TSPAN19: variants seen among roughly 807,000 people sequenced by gnomAD.
TSPAN19 encodes the protein tetraspanin 19.
Under a neutral mutation model 35.1 loss-of-function variants are expected in TSPAN19, and 44 were observed. That is an observed-to-expected ratio of 1.25 (90% CI 0.98 to 1.61). The LOEUF is 1.61. TSPAN19 is among the 40% of genes most tolerant of loss of function. The probability of loss-of-function intolerance (pLI) is 0.00; values close to 1 mark genes in which losing one functional copy is unlikely to be tolerated. For synonymous variants in TSPAN19, 79 were observed against 92.0 expected (o/e 0.86, Z 0.81); for missense variants, 290 against 280.0 (o/e 1.04, Z -0.26).
intron 7 of TSPAN19, 64 bp from the exon 8 acceptor site, chr12:85,016,035 C>G: frequency 9.5e-7 from 1 of 1,050,278 alleles, no homozygotes; most frequent in Non-Finnish European, 1.3e-6. Context: ...TAAATCTTTA[C>G]AAAAAATAAA....
chr12:85,014,597 T>C (rs1876688088), intron 8 of TSPAN19, 42 bp from the exon 9 acceptor site: 1 of 1,445,488 alleles, frequency 6.9e-7, no homozygotes, highest in Non-Finnish European at 9.6e-7. Context: ...ATTTAATCAA[T>C]GATAAGAGTA....
chr12:85,027,468 T>TA (rs1460388718), intron 4 of TSPAN19, among the ~76,000 whole-genome samples: 1 of 152,264 alleles, frequency 6.6e-6, no homozygotes, highest in East Asian at 1.9e-4. Flanking sequence ...AATACATACA[T>TA]ACATAAGTTA....
At chr12:85,024,348 A>C (rs949043741) in intron 4 of TSPAN19, among the ~76,000 whole-genome samples, 1 of 152,168 alleles carries the variant, frequency 6.6e-6, no homozygotes, top group Non-Finnish European at 1.5e-5. Context: ...AGTCCTTAGA[A>C]ACAGTATTTA....
intron 1 of TSPAN19, among the ~76,000 whole-genome samples, chr12:85,032,485 C>A (rs994558436): frequency 2.0e-5 from 3 of 152,062 alleles, no homozygotes; most frequent in Non-Finnish European, 4.4e-5. Flanking sequence ...GGGGTGAGAA[C>A]TTAGTAAGCG....
At chr12:85,029,527 CT>C (rs768524462) in intron 3 of TSPAN19, among the ~76,000 whole-genome samples, 191 bp downstream of exon 3, 1 of 152,006 alleles carries the variant, frequency 6.6e-6, no homozygotes, top group Non-Finnish European at 1.5e-5. Flanking sequence ...AACACCAGAA[CT>C]TTTTTCTTCT....
intron 4 of TSPAN19, among the ~76,000 whole-genome samples, chr12:85,025,681 A>G (rs536599999): frequency 6.6e-6 from 1 of 151,914 alleles, no homozygotes; most frequent in African/African-American, 2.4e-5. Context: ...ACCTGCCATC[A>G]TGCCCGGCTA....
intron 8 of TSPAN19, chr12:85,015,647 T>A (rs1310386106): frequency 3.3e-6 from 1 of 301,706 alleles, no homozygotes; most frequent in African/African-American, 2.2e-5. Context: ...AAGATAAAAA[T>A]ATACATAGGT....
chr12:85,020,130 G>A (rs1565765589), intron 5 of TSPAN19, among the ~76,000 whole-genome samples: 1 of 151,740 alleles, frequency 6.6e-6, no homozygotes, highest in Non-Finnish European at 1.5e-5. Context: ...AACATTCCTT[G>A]ATTCTGTGGG....
rs772388720 is a variant in TSPAN19 at position 85,015,970 on chromosome 12, C to A, written c.596G>T (p.Gly199Val). ...CCATGCACTGATTTTATTTTCACAA[C>A]CCTAAGAAAAAGAAGTTATTCAGAT... ...DEPLNATYLEGCENKISAWYN... is the reference protein window; with the variant it reads ...DEPLNATYLEVCENKISAWYN... Residue 199 changes from glycine (G) to valine (V), a missense_variant and splice_region_variant, in exon 8 of 9, where the codon GGT becomes GTT. Physicochemically the swap from Gly to Val is moderately radical, Grantham distance 109. Transcript: ENST00000532498. The A allele has an allele frequency of 1.5e-5, 23 of 1,526,758 alleles. No individual in the cohort carries two copies. The Admixed American group carries it at 4.6e-4, about 31-fold the overall frequency. The allele number at this position is 1,526,758 out of a possible 1,614,324, so 94.6% of individuals were successfully genotyped here. A position where few individuals can be genotyped will look rare whatever the true frequency, so the allele number is the denominator to read the frequency against.
At chr12:85,021,087 AT>A in intron 5 of TSPAN19, among the ~76,000 whole-genome samples, 1 of 152,154 alleles carries the variant, frequency 6.6e-6, no homozygotes, top group South Asian at 2.1e-4. Flanking sequence ...AATTTATATA[AT>A]TTTTTATAAC....
At chr12:85,025,317 A>G (rs1053719381) in intron 4 of TSPAN19, among the ~76,000 whole-genome samples, 2 of 151,328 alleles carry the variant, frequency 1.3e-5, no homozygotes, top group African/African-American at 2.4e-5. Context: ...TGTATTTTTA[A>G]TAGAGATGGG....
At chr12:85,023,570 G>A (rs907107014) in intron 4 of TSPAN19, among the ~76,000 whole-genome samples, 170 bp from the exon 5 acceptor site, 1 of 152,074 alleles carries the variant, frequency 6.6e-6, no homozygotes, top group African/African-American at 2.4e-5. Context: ...AAATAGCAAG[G>A]CAAAGTAAAA....
At chr12:85,036,101 C>T (rs1878004684) in intron 1 of TSPAN19, 103 bp downstream of exon 1, 1 of 152,040 alleles carries the variant, frequency 6.6e-6, no homozygotes, top group Non-Finnish European at 1.5e-5. Context: ...AGCTCAGAAA[C>T]AATTTAAAAA....
intron 1 of TSPAN19, among the ~76,000 whole-genome samples, chr12:85,035,521 AT>A (rs1877938397): frequency 1.3e-5 from 2 of 152,194 alleles, no homozygotes; most frequent in Admixed American, 1.3e-4. Context: ...ATTCAAGTTT[AT>A]TGTTACCAGG....
At chr12:85,020,646 G>A (rs1428908012) in intron 5 of TSPAN19, among the ~76,000 whole-genome samples, 1 of 151,880 alleles carries the variant, frequency 6.6e-6, no homozygotes, top group Non-Finnish European at 1.5e-5. Context: ...TTCCCCTGAA[G>A]GTATAGCATC....
intron 5 of TSPAN19, among the ~76,000 whole-genome samples, chr12:85,021,502 T>C (rs1000206728): frequency 2.4e-4 from 36 of 152,186 alleles, no homozygotes; most frequent in Non-Finnish European, 5.0e-4. Flanking sequence ...GGGTGAAACA[T>C]ATGGCCTCGT....
At chr12:85,027,852 T>G (rs1032249681) in intron 4 of TSPAN19, 47 bp downstream of exon 4, 10 of 1,516,912 alleles carry the variant, frequency 6.6e-6, no homozygotes, top group Non-Finnish European at 8.9e-6. Context: ...ACTTAGATAC[T>G]TAAAAATCTA....
Position 85,014,432 on chromosome 12 carries a change from A to G in TSPAN19, c.*55T>C. 7.9e-7 allele frequency: 1 copy of G among 1,272,046 alleles called. No individual in the cohort carries two copies. Among genetic ancestry groups the G allele is most frequent in the Non-Finnish European group, 1.1e-6 (1 of 895,854 alleles). 78.8% of individuals were successfully genotyped at this position (1,272,046 alleles called of 1,614,324 possible). A position where few individuals can be genotyped will look rare whatever the true frequency, so the allele number is the denominator to read the frequency against. ...AAACGTTTTTGGAATAAAATAATAT[A>G]ATGTGATTTTTTAAGAATTAACTGG... On this transcript the variant is annotated 3_prime_UTR_variant, in exon 9 of 9. Transcript: ENST00000532498.
At chr12:85,028,061 T>G in intron 3 of TSPAN19, 38 bp from the exon 4 acceptor site, 1 of 1,442,988 alleles carries the variant, frequency 6.9e-7, no homozygotes, top group Non-Finnish European at 9.4e-7. Context: ...TGAAGTGGTA[T>G]TTTATATGAA....
Sources: gnomAD v4.1 joint callset for allele counts (sites outside exome capture counted in the v4.1 genomes callset) on GRCh38, gnomAD v4.1.1 for gene constraint, MANE v1.5 for transcripts, NCBI Gene and HGNC (gene_info 2026-07-23, HGNC 2026-07-21) for gene names.